The following TBC1D4 variants were observed in gnomAD, a reference collection of about 807,000 sequenced individuals.
The protein encoded by TBC1D4 is TBC1 domain family member 4, also known as TBC (Tre-2, BUB2, CDC16) domain-containing protein.
A neutral mutation model predicts 142.5 loss-of-function variants in TBC1D4; 121 were observed. That is an observed-to-expected ratio of 0.85 (90% CI 0.73 to 0.99). The LOEUF is 0.99. TBC1D4 is among the 50% of genes least tolerant of loss of function. TBC1D4 has a pLI of 0.00. For missense variants in TBC1D4, 1,475 were observed against 1,606.6 expected (o/e 0.92, Z 1.40); for synonymous variants, 630 against 628.2 (o/e 1.00, Z -0.04).
chr13:75,317,936 T>C (rs570562022), intron 12 of TBC1D4, among the ~76,000 whole-genome samples: 1 of 152,342 alleles, frequency 6.6e-6, no homozygotes, highest in South Asian at 2.1e-4. Flanking sequence ...GTCCTTTGTA[T>C]ATAGGATCCA....
chr13:75,289,153 A>G (rs763330658), intron 19 of TBC1D4, 43 bp from the exon 20 acceptor site: 2 of 1,601,982 alleles, frequency 1.2e-6, no homozygotes, highest in Admixed American at 1.7e-5. Context: ...TTTGGTATGT[A>G]TAACAAGATA....
At chr13:75,348,954 A>AGT (rs55954112) in intron 5 of TBC1D4, among the ~76,000 whole-genome samples, 8,488 of 139,076 alleles carry the variant, frequency 0.061, 296 homozygotes, top group African/African-American at 0.1. Context: ...AGAGAGAGAG[A>AGT]GTGTGTGTGT....
At chr13:75,467,682 CT>C (rs1428998015) in intron 1 of TBC1D4, among the ~76,000 whole-genome samples, 1 of 152,126 alleles carries the variant, frequency 6.6e-6, no homozygotes, top group Non-Finnish European at 1.5e-5. Flanking sequence ...GTTATCTTTC[CT>C]TGTGTAGTTT....
intron 1 of TBC1D4, among the ~76,000 whole-genome samples, chr13:75,444,199 CTA>C (rs1286834564): frequency 6.6e-6 from 1 of 152,176 alleles, no homozygotes; most frequent in African/African-American, 2.4e-5. Context: ...TCATAGCTCA[CTA>C]CAACTTTGAA....
chr13:75,393,622 A>T (rs1050409538), intron 1 of TBC1D4, among the ~76,000 whole-genome samples: 8 of 152,026 alleles, frequency 5.3e-5, no homozygotes, highest in Non-Finnish European at 8.8e-5. Context: ...TTGGGGAAAA[A>T]TTTTTTAAAT....
intron 1 of TBC1D4, among the ~76,000 whole-genome samples, chr13:75,372,457 A>C (rs1167268661): frequency 1.3e-5 from 2 of 152,030 alleles, no homozygotes; most frequent in African/African-American, 4.8e-5. Context: ...TTTAGTAGAA[A>C]CAGAGTTTCA....
At chr13:75,395,961 A>G (rs1025378747) in intron 1 of TBC1D4, among the ~76,000 whole-genome samples, 11 of 152,322 alleles carry the variant, frequency 7.2e-5, no homozygotes, top group Admixed American at 7.2e-4. Flanking sequence ...TTTATTTATA[A>G]GCAGGATCAG....
intron 1 of TBC1D4, among the ~76,000 whole-genome samples, chr13:75,380,597 T>C (rs1027689386): frequency 1.3e-5 from 2 of 152,138 alleles, no homozygotes; most frequent in African/African-American, 4.8e-5. Context: ...TCAATCCCTA[T>C]TTCCTTCATT....
chr13:75,441,803 C>T (rs1331696861), intron 1 of TBC1D4, among the ~76,000 whole-genome samples: 2 of 152,218 alleles, frequency 1.3e-5, no homozygotes, highest in African/African-American at 4.8e-5. Context: ...TCTCTGTTCC[C>T]ATTACAGTAC....
chr13:75,326,469 T>G (rs535229919), intron 9 of TBC1D4, 46 bp from the exon 10 acceptor site: 1 of 1,594,222 alleles, frequency 6.3e-7, no homozygotes, highest in African/African-American at 1.3e-5. Context: ...ACGTGGGTCA[T>G]GGCAGACCTG....
chr13:75,468,318 T>C (rs1180425418), intron 1 of TBC1D4, among the ~76,000 whole-genome samples: 4 of 152,172 alleles, frequency 2.6e-5, no homozygotes, highest in Admixed American at 6.5e-5. Flanking sequence ...TGTTACTAAA[T>C]AGGCTTCCAA....
chr13:75,362,353 G>T lies in TBC1D4; in HGVS notation c.753C>A (p.Asp251Glu). The T allele has an allele frequency of 1.2e-6, 2 of 1,614,206 alleles. No homozygotes were observed. Among genetic ancestry groups the T allele is most frequent in the Non-Finnish European group, 1.7e-6 (2 of 1,180,046 alleles). Residue 251 changes from aspartate (D) to glutamate (E), a missense_variant, in exon 2 of 21, where the codon GAC (aspartate) becomes GAA (glutamate). Transcript: ENST00000377636. This position sits in a 1 kb window ranked among gnomAD's most constrained non-coding sequence, Gnocchi z 4.2. ...GCACCACCACCTCCAAGTCAGCCAG[G>T]TCCTCTCCTGGGTCCGGACCGCGCT... is the stretch of plus-strand genomic sequence containing the variant. ...GEQRGPDPGE[D>E]LADLEVVVPG...
At chr13:75,323,681 A>G (rs1223481313) in intron 11 of TBC1D4, among the ~76,000 whole-genome samples, 1 of 152,172 alleles carries the variant, frequency 6.6e-6, no homozygotes, top group Non-Finnish European at 1.5e-5. Flanking sequence ...CCCTCATGCT[A>G]TCTAAGAGTT....
intron 1 of TBC1D4, among the ~76,000 whole-genome samples, chr13:75,410,216 C>T (rs779990853): frequency 3.4e-4 from 52 of 152,248 alleles, no homozygotes; most frequent in Non-Finnish European, 5.9e-4. Context: ...AAAAGCTTTC[C>T]TATATTACAG....
intron 10 of TBC1D4, 124 bp from the exon 11 acceptor site, chr13:75,324,525 C>A: frequency 1.8e-6 from 2 of 1,124,100 alleles, no homozygotes; most frequent in Non-Finnish European, 2.6e-6. Context: ...AGGCTCAGGG[C>A]TGGATCTTAC....
At chr13:75,478,600 C>T (rs1027237126) in intron 1 of TBC1D4, among the ~76,000 whole-genome samples, 1 of 152,162 alleles carries the variant, frequency 6.6e-6, no homozygotes, top group African/African-American at 2.4e-5. Context: ...AACAGCAGGT[C>T]TTCCTTCTGA....
intron 18 of TBC1D4, 96 bp from the exon 19 acceptor site, chr13:75,292,367 A>G (rs1875401040): frequency 8.9e-7 from 1 of 1,118,940 alleles, no homozygotes; most frequent in South Asian, 1.4e-5. Flanking sequence ...TACTTGTTTT[A>G]TGTATTTTGC....
At position 75,288,992 on chromosome 13, in the gene TBC1D4, A is replaced by T; in HGVS notation, c.3605T>A (p.Leu1202Gln). ...SCEDSETLEK[L>Q]ERANSQLKRQ... is the part of the protein sequence containing the mutation. The stretch of plus-strand genomic sequence containing the variant: ...TTTCAGTTGGCTATTGGCCCTCTCC[A>T]GCTTCTCCAAAGTTTCACTATCCTC... The change falls in exon 20 of 21, where the codon CTG becomes CAG. Residue 1202 changes from leucine to glutamine, a missense_variant. By Grantham distance (113) the Leu-to-Gln change is moderately radical. Transcript: ENST00000377636. 1 of 1,613,922 alleles carries T rather than the reference A, an allele frequency of 6.2e-7. No individual in the cohort carries two copies. Among genetic ancestry groups the T allele is most frequent in the Non-Finnish European group, 8.5e-7 (1 of 1,179,910 alleles).
intron 12 of TBC1D4, among the ~76,000 whole-genome samples, chr13:75,319,590 C>T (rs1360489653): frequency 1.3e-5 from 2 of 152,206 alleles, no homozygotes; most frequent in Non-Finnish European, 2.9e-5. Context: ...TAATCCTCTT[C>T]AGTTGAAAGG....
Sources: allele counts gnomAD v4.1 joint callset (sites outside exome capture counted in the v4.1 genomes callset), GRCh38; gene constraint gnomAD v4.1.1; non-coding constraint Gnocchi (gnomAD v3.1); transcripts MANE v1.5; gene names NCBI Gene and HGNC (gene_info 2026-07-23, HGNC 2026-07-21).